The following CENATAC variants were observed in gnomAD, a reference collection of about 807,000 sequenced individuals.
The protein encoded by CENATAC is centrosomal AT-AC splicing factor.
In CENATAC, 53 loss-of-function variants were observed where a neutral mutation model predicts 53.7. That is an observed-to-expected ratio of 0.99 (90% confidence interval 0.79 to 1.24). The LOEUF (loss-of-function observed/expected upper bound fraction) is 1.24, where lower values mean the gene tolerates loss of function less well. CENATAC is among the 50% of genes most tolerant of loss of function. The probability of loss-of-function intolerance (pLI) is 0.00; values close to 1 mark genes in which losing one functional copy is unlikely to be tolerated. For synonymous variants in CENATAC, 156 were observed against 144.6 expected (o/e 1.08, Z -0.57); for missense variants, 474 against 417.8 (o/e 1.13, Z -1.17).
At chr11:119,010,190 T>G (rs1207778649) in intron 3 of CENATAC, 1 of 152,424 alleles carries the variant, frequency 6.6e-6, no homozygotes, top group African/African-American at 2.4e-5. Flanking sequence ...TATGCAAGAT[T>G]TGGCCTGGAT....
chr11:119,004,010 A>G (rs1292967314), intron 3 of CENATAC, among the ~76,000 whole-genome samples: 1 of 152,194 alleles, frequency 6.6e-6, no homozygotes, highest in Non-Finnish European at 1.5e-5. Context: ...CATAACTGTA[A>G]AAAGCAGTAC....
At chr11:119,005,255 A>G (rs1475629150) in intron 3 of CENATAC, among the ~76,000 whole-genome samples, 2 of 152,084 alleles carry the variant, frequency 1.3e-5, no homozygotes, top group African/African-American at 4.8e-5. Flanking sequence ...TCACGAGGTC[A>G]GGAGATCGAG....
Position 119,012,179 on chromosome 11 carries a change from A to G in CENATAC, c.609A>G (p.Ser203=), listed in dbSNP as rs373549223. ...TAGCTTCCAGCTTACAGCAGCCCTCAAATTTGGACCTGCCACCAGCTCCAG... is the reference window on the plus strand; with the variant it reads ...TAGCTTCCAGCTTACAGCAGCCCTCGAATTTGGACCTGCCACCAGCTCCAG... ...SQVASSLQQP[S]NLDLPPAPEL... Residue 203 remains serine, a synonymous_variant, in exon 7 of 11, where the codon TCA becomes TCG. Coordinates refer to ENST00000334418, the MANE Select transcript of CENATAC (RefSeq NM_198489.3). 75 of 1,614,066 alleles carry G rather than the reference A, an allele frequency of 4.6e-5. No individual in the cohort carries two copies. The highest frequency in any genetic ancestry group is 5.9e-5 in the Non-Finnish European group (70 of 1,180,044).
At chr11:119,014,566 T>G (rs1036443752) in intron 8 of CENATAC, 4 of 152,576 alleles carry the variant, frequency 2.6e-5, no homozygotes, top group African/African-American at 9.7e-5. Context: ...AGAGCGAGAC[T>G]CCTCTCAAAA....
intron 3 of CENATAC, chr11:119,003,698 A>C (rs1942437813): frequency 6.1e-6 from 1 of 163,018 alleles, no homozygotes; most frequent in Non-Finnish European, 1.2e-5. Context: ...GGCTCACTGC[A>C]ACCTCCACCT....
chr11:119,003,031 T>C (rs941469184), intron 3 of CENATAC: 2 of 523,608 alleles, frequency 3.8e-6, no homozygotes, highest in Non-Finnish European at 7.6e-6. Context: ...CCCTATTTTG[T>C]TGGCAACATC....
At chr11:119,015,186 G>C (rs1389001775) in intron 9 of CENATAC, 103 bp downstream of exon 9, 2 of 1,446,198 alleles carry the variant, frequency 1.4e-6, no homozygotes, top group African/African-American at 2.8e-5. Context: ...AGCATTTTGG[G>C]AGGCTGAGGT....
At position 119,004,241 on chromosome 11, in the gene CENATAC, A is replaced by C. The variant is rs140174883; in HGVS notation, c.383+5132A>C. ...ATAATAAGGGTAGATGACATACCATAATGATTTTCAGATTTTTTTTTTTTG... is the reference window on the plus strand; with the variant it reads ...ATAATAAGGGTAGATGACATACCATCATGATTTTCAGATTTTTTTTTTTTG... On this transcript the variant is annotated intron_variant, in intron 3 of 10. Transcript: ENST00000334418. Among the ~76,000 whole-genome samples, 8 of 151,958 alleles carry C rather than the reference A, an allele frequency of 5.3e-5. No individual in the cohort carries two copies. In the East Asian group the frequency reaches 1.5e-3, roughly 29 times the overall value.
intron 5 of CENATAC, 75 bp from the exon 6 acceptor site, chr11:119,011,864 C>T: frequency 7.7e-7 from 1 of 1,295,082 alleles, no homozygotes; most frequent in Non-Finnish European, 1.1e-6. Context: ...ATACTGGGGT[C>T]TGGAGGGTGG....
intron 1 of CENATAC, 54 bp downstream of exon 1, chr11:118,998,371 C>G (rs1380211263): frequency 1.2e-6 from 2 of 1,611,594 alleles, no homozygotes; most frequent in East Asian, 4.5e-5. Context: ...TCAGTGAAGG[C>G]CAGAGCGGGT....
chr11:119,012,077 G>T, intron 6 of CENATAC, 72 bp from the exon 7 acceptor site: 1 of 1,613,808 alleles, frequency 6.2e-7, no homozygotes, highest in South Asian at 1.1e-5. Flanking sequence ...CCTGGGAAAT[G>T]GAAACAGATC....
chr11:118,998,576 GC>G lies in CENATAC; in HGVS notation c.268del (p.Leu90TrpfsTer26), dbSNP rs781878359. ...GNLTVLYGGL[L>X]EHLASPEHKK... ...ACCTGACGGTGCTGTACGGGGGGCT[GC>G]TGGAGCATCTGGCCAGGTGAGAGCC... On this transcript the variant is annotated frameshift_variant, in exon 2 of 11. Transcript: ENST00000334418. LOFTEE classifies it high-confidence loss of function. 6.4e-7 allele frequency: 1 copy of G among 1,568,332 alleles called. No individual in the cohort carries two copies. The highest frequency in any genetic ancestry group is 1.2e-5 in the South Asian group (1 of 86,172).
At chr11:119,013,455 C>G (rs1295843519) in intron 8 of CENATAC, among the ~76,000 whole-genome samples, 193 bp downstream of exon 8, 1 of 147,420 alleles carries the variant, frequency 6.8e-6, no homozygotes, top group East Asian at 1.9e-4. Context: ...ACCACCACAC[C>G]CAGCTAATTT....
At position 119,011,128 on chromosome 11, in the gene CENATAC, G is replaced by A. The variant is rs1179402577; in HGVS notation, c.451-93G>A. The stretch of plus-strand genomic sequence containing the variant: ...AGGCCACAGACCAGTACTGGTCCAC[G>A]CCTGGGGGTGGAGGGCCCAAGTTAA... On this transcript the variant is annotated intron_variant, in intron 4 of 10. Transcript: ENST00000334418. 53 of 1,078,858 alleles carry A rather than the reference G, an allele frequency of 4.9e-5. 2 individuals are homozygous for A. The South Asian group carries it at 5.8e-4, about 12-fold the overall frequency. 66.8% of individuals were successfully genotyped at this position (1,078,858 alleles called of 1,614,324 possible).
chr11:119,005,103 A>T (rs1942519679), intron 3 of CENATAC, among the ~76,000 whole-genome samples: 1 of 151,906 alleles, frequency 6.6e-6, no homozygotes, highest in South Asian at 2.1e-4. Context: ...GGAAACTTTG[A>T]ACAGGGTGAA....
chr11:119,010,948 C>T (rs117238378), intron 4 of CENATAC, 118 bp downstream of exon 4: 5 of 821,894 alleles, frequency 6.1e-6, no homozygotes, highest in South Asian at 4.6e-5. Flanking sequence ...TGCTCCACCT[C>T]AGATCATCAG....
At chr11:118,998,630 G>A (rs1376242523) in intron 2 of CENATAC, 37 bp downstream of exon 2, 1 of 1,547,434 alleles carries the variant, frequency 6.5e-7, no homozygotes, top group Non-Finnish European at 8.7e-7. Context: ...CAGCACAGAC[G>A]CATACATATA....
At chr11:119,011,178 C>G in intron 4 of CENATAC, 43 bp from the exon 5 acceptor site, 1 of 1,554,056 alleles carries the variant, frequency 6.4e-7, no homozygotes, top group Non-Finnish European at 8.9e-7. Context: ...AAGAAACTGG[C>G]CCCCATGATC....
At chr11:119,006,833 G>A (rs1326216489) in intron 3 of CENATAC, among the ~76,000 whole-genome samples, 4 of 152,220 alleles carry the variant, frequency 2.6e-5, no homozygotes, top group Admixed American at 1.3e-4. Context: ...CCCCCATGCT[G>A]TTCTCATGGT....
Sources: allele counts gnomAD v4.1 joint callset (sites outside exome capture counted in the v4.1 genomes callset), GRCh38; gene constraint gnomAD v4.1.1; transcripts MANE v1.5; gene names NCBI Gene and HGNC (gene_info 2026-07-23, HGNC 2026-07-21).